Variants in KCNQ5 observed in about 807,000 individuals in gnomAD.
KCNQ5 encodes the protein potassium voltage-gated channel subfamily KQT member 5.
A neutral mutation model predicts 98.2 loss-of-function variants in KCNQ5; 30 were observed. The ratio of observed to expected loss-of-function variants is 0.31; its 90% CI spans 0.23 to 0.41. The LOEUF (loss-of-function observed/expected upper bound fraction) is 0.41. KCNQ5 is among the 10% of genes least tolerant of loss of function. KCNQ5 has a pLI of 1.00. For synonymous variants in KCNQ5, 458 were observed against 449.4 expected (o/e 1.02, Z -0.24); for missense variants, 835 against 1,182.5 (o/e 0.71, Z 4.31).
chr6:72,944,902 C>T (rs1211911808), intron 1 of KCNQ5, among the ~76,000 whole-genome samples: 1 of 152,188 alleles, frequency 6.6e-6, no homozygotes, highest in Non-Finnish European at 1.5e-5. Context: ...CTCCTCATTG[C>T]TGCGTGGTGA....
chr6:72,938,805 G>A (rs1182065302), intron 1 of KCNQ5, among the ~76,000 whole-genome samples: 1 of 152,114 alleles, frequency 6.6e-6, no homozygotes, highest in African/African-American at 2.4e-5. Flanking sequence ...GGGGAAAACT[G>A]ACATATAAAC....
intron 1 of KCNQ5, among the ~76,000 whole-genome samples, chr6:72,811,415 A>G (rs1002103191): frequency 6.6e-6 from 1 of 152,136 alleles, no homozygotes; most frequent in Non-Finnish European, 1.5e-5. Flanking sequence ...CCCAAGTTCT[A>G]TACATCCCCT....
chr6:72,809,630 A>G (rs961992994), intron 1 of KCNQ5, among the ~76,000 whole-genome samples: 2 of 152,206 alleles, frequency 1.3e-5, no homozygotes, highest in African/African-American at 4.8e-5. Context: ...GAACACATGT[A>G]AAAATTACAA....
chr6:73,079,256 G>C (rs1304552333), intron 5 of KCNQ5, among the ~76,000 whole-genome samples: 2 of 152,206 alleles, frequency 1.3e-5, no homozygotes, highest in Non-Finnish European at 2.9e-5. Flanking sequence ...CTTGTCTAAA[G>C]AATGTCCATA....
chr6:72,941,201 T>C (rs935432741), intron 1 of KCNQ5, among the ~76,000 whole-genome samples: 2 of 152,198 alleles, frequency 1.3e-5, no homozygotes, highest in African/African-American at 4.8e-5. Context: ...TTTCTGTTTA[T>C]TTTTTAACCT....
chr6:73,035,987 G>GTC lies in KCNQ5; in HGVS notation c.490-5948_490-5947insCT, dbSNP rs1329911639. Reference sequence around the variant, plus strand: ...TCTCCAGTTTTACTTGAATACATTTGTGTGTGTGTGTGTGTGTGTGTGTGT... The same window carrying GTC: ...TCTCCAGTTTTACTTGAATACATTTGTCTGTGTGTGTGTGTGTGTGTGTGTGT... On this transcript the variant is annotated intron_variant, in intron 2 of 13. Transcript: ENST00000370398. Among the ~76,000 whole-genome samples, 18 of 18,850 alleles carry GTC rather than the reference G, an allele frequency of 9.5e-4. No homozygotes were observed. The East Asian group carries it at 0.011, about 11-fold the overall frequency. 12.4% of individuals were successfully genotyped at this position (18,850 alleles called of 152,430 possible).
At chr6:72,847,685 G>C (rs1777075196) in intron 1 of KCNQ5, among the ~76,000 whole-genome samples, 4 of 152,136 alleles carry the variant, frequency 2.6e-5, no homozygotes, top group African/African-American at 9.7e-5. Flanking sequence ...AATGCTTGCT[G>C]TCAGAAAAGT....
chr6:73,139,452 A>G (rs960639967), intron 10 of KCNQ5, among the ~76,000 whole-genome samples: 2 of 152,220 alleles, frequency 1.3e-5, no homozygotes, highest in African/African-American at 4.8e-5. Flanking sequence ...GATATAGCCA[A>G]GAAACCTCTT....
At chr6:73,117,918 A>G (rs1775574360) in intron 7 of KCNQ5, among the ~76,000 whole-genome samples, 2 of 152,258 alleles carry the variant, frequency 1.3e-5, no homozygotes, top group African/African-American at 4.8e-5. Flanking sequence ...ACTTAGCACA[A>G]ATTTCCACAG....
At chr6:72,857,526 T>G (rs184779389) in intron 1 of KCNQ5, among the ~76,000 whole-genome samples, 1 of 152,314 alleles carries the variant, frequency 6.6e-6, no homozygotes, top group Admixed American at 6.5e-5. Context: ...GGATGAAGCC[T>G]TTTCAATTGC....
At chr6:73,067,802 T>G (rs1420713152) in intron 3 of KCNQ5, among the ~76,000 whole-genome samples, 4 of 151,960 alleles carry the variant, frequency 2.6e-5, no homozygotes, top group Non-Finnish European at 5.9e-5. Context: ...AAATAAGTTA[T>G]GGTTCTCTTT....
chr6:72,791,653 C>T (rs1241215066), intron 1 of KCNQ5, among the ~76,000 whole-genome samples: 2 of 152,142 alleles, frequency 1.3e-5, no homozygotes, highest in Non-Finnish European at 2.9e-5. Context: ...GTGCTGCTGT[C>T]ACAGAATACT....
chr6:72,727,240 G>A (rs912327454), intron 1 of KCNQ5, among the ~76,000 whole-genome samples: 6 of 152,174 alleles, frequency 3.9e-5, no homozygotes, highest in African/African-American at 9.7e-5. Context: ...GTAACTTCTC[G>A]CATAGTCACT....
intron 10 of KCNQ5, among the ~76,000 whole-genome samples, chr6:73,145,693 C>G (rs968287788): frequency 3.3e-5 from 5 of 152,160 alleles, no homozygotes; most frequent in Admixed American, 3.3e-4. Context: ...ACTATTACTG[C>G]TAGCTGAATA....
intron 1 of KCNQ5, among the ~76,000 whole-genome samples, chr6:72,938,043 G>A (rs147995222): frequency 2.2e-4 from 34 of 152,280 alleles, no homozygotes; most frequent in African/African-American, 7.7e-4. Flanking sequence ...ACCTTACAAG[G>A]TTGTTCTGAT....
chr6:73,178,298 A>G lies in KCNQ5; in HGVS notation c.1577+8444A>G, dbSNP rs372748980. Reference sequence around the variant, plus strand: ...TTAAAAGAAAATCCAACAAAAATCTACAGGAGGGGCCAGGTGCAGTGGCTC... The same window carrying G: ...TTAAAAGAAAATCCAACAAAAATCTGCAGGAGGGGCCAGGTGCAGTGGCTC... On this transcript the variant is annotated intron_variant, in intron 11 of 13. Transcript: ENST00000370398. Among the ~76,000 whole-genome samples the G allele has an allele frequency of 1.2e-3, 187 of 151,794 alleles. 2 individuals carry two copies. Among genetic ancestry groups the G allele is most frequent in the Middle Eastern group, 0.01 (3 of 294 alleles).
intron 7 of KCNQ5, among the ~76,000 whole-genome samples, chr6:73,118,840 G>C (rs77649589): frequency 0.019 from 2,968 of 152,216 alleles, 215 homozygotes; most frequent in Admixed American, 0.12. Flanking sequence ...GGCCAACATA[G>C]TGAAACCCTG....
At chr6:73,192,835 G>A (rs372861057) in intron 13 of KCNQ5, 144 bp downstream of exon 13, 19 of 670,610 alleles carry the variant, frequency 2.8e-5, no homozygotes, top group African/African-American at 2.8e-4. Flanking sequence ...TTCTTTGTGT[G>A]TAGACAGTGC....
chr6:72,661,513 A>AT (rs1030884668), intron 1 of KCNQ5, among the ~76,000 whole-genome samples: 4 of 151,866 alleles, frequency 2.6e-5, no homozygotes, highest in African/African-American at 4.8e-5. Flanking sequence ...TACATAGAAG[A>AT]TTTTTTTTCC....
Sources: allele counts gnomAD v4.1 joint callset (sites outside exome capture counted in the v4.1 genomes callset), GRCh38; gene constraint gnomAD v4.1.1; transcripts MANE v1.5; gene names NCBI Gene and HGNC (gene_info 2026-07-23, HGNC 2026-07-21).